PSIP1: variants seen among roughly 807,000 people sequenced by gnomAD.
PSIP1 encodes PC4 and SFRS1-interacting protein.
Under a neutral mutation model 74.7 loss-of-function variants are expected in PSIP1, and 19 were observed. That is an observed-to-expected ratio of 0.25 (90% CI 0.18 to 0.37). The LOEUF is 0.37. PSIP1 is among the 10% of genes least tolerant of loss of function. PSIP1 has a pLI of 1.00. For missense variants in PSIP1, 601 were observed against 614.3 expected, an observed-to-expected ratio of 0.98 and a Z score of 0.23; for synonymous variants, 222 against 195.3, an observed-to-expected ratio of 1.14 and a Z score of -1.14.
At chr9:15,486,774 A>G in intron 5 of PSIP1, 53 bp downstream of exon 5, 1 of 1,296,684 alleles carries the variant, frequency 7.7e-7, no homozygotes, top group South Asian at 1.3e-5. Flanking sequence ...TCATTTCATT[A>G]TTTCTTCCTT....
At chr9:15,498,563 A>G (rs16933332) in intron 3 of PSIP1, among the ~76,000 whole-genome samples, 7,094 of 152,150 alleles carry the variant, frequency 0.047, 540 homozygotes, top group African/African-American at 0.16. Flanking sequence ...CAGGGACCAG[A>G]TTAGTTTTTC....
intron 3 of PSIP1, among the ~76,000 whole-genome samples, chr9:15,502,253 T>C (rs1010921858): frequency 7.2e-5 from 11 of 152,300 alleles, no homozygotes; most frequent in Non-Finnish European, 1.2e-4. Flanking sequence ...AGTTGTTACA[T>C]TGCATTAAGG....
chr9:15,501,867 A>ATATATATATATATATATAT (rs1188842040), intron 3 of PSIP1, among the ~76,000 whole-genome samples: 31 of 144,344 alleles, frequency 2.1e-4, no homozygotes, highest in African/African-American at 2.9e-4. Flanking sequence ...ATATATATAT[A>ATATATATATATATATATAT]AAACGCACAC....
At chr9:15,479,998 A>C (rs549130627) in intron 6 of PSIP1, among the ~76,000 whole-genome samples, 3 of 152,334 alleles carry the variant, frequency 2.0e-5, no homozygotes, top group Admixed American at 2.0e-4. Context: ...ACACAATGTT[A>C]TTTCTAATTC....
rs1218940055 is a variant in PSIP1 at position 15,468,683 on chromosome 9, G to T, written c.1367C>A (p.Thr456Asn). Reference sequence around the variant, plus strand: ...TGGCCCTTTCTTCCCTTGATCTTTGGTTTTATTCGCTTCCTCATGCTGTCT... The same window carrying T: ...TGGCCCTTTCTTCCCTTGATCTTTGTTTTTATTCGCTTCCTCATGCTGTCT... ...EQRQHEEANKTKDQGKKGPNK... is the reference protein window; with the variant it reads ...EQRQHEEANKNKDQGKKGPNK... Residue 456 changes from threonine (T) to asparagine (N), a missense_variant, in exon 14 of 16, where the codon ACC (threonine) becomes AAC (asparagine). By Grantham distance (65) the Thr-to-Asn change is moderately conservative. Around this residue, in one of 2 missense-constraint regions of PSIP1, gnomAD observed 538 missense variants for 507.6 expected, o/e 1.06. Coordinates refer to ENST00000380733, the MANE Select transcript of PSIP1 (RefSeq NM_033222.5). The T allele has an allele frequency of 6.2e-7, 1 of 1,613,918 alleles. No homozygotes were observed. Among genetic ancestry groups the T allele is most frequent in the Admixed American group, 1.7e-5 (1 of 59,992 alleles).
intron 14 of PSIP1, among the ~76,000 whole-genome samples, chr9:15,467,345 T>C (rs2035681885): frequency 6.6e-6 from 1 of 152,328 alleles, no homozygotes; most frequent in African/African-American, 2.4e-5. Context: ...GTATTAATAA[T>C]TCTCTAAGGG....
At chr9:15,473,904 C>CAAAAAAAAAACAAAAAAAAAAAAA (rs2035951545) in intron 9 of PSIP1, 105 bp downstream of exon 9, 1 of 629,940 alleles carries the variant, frequency 1.6e-6, no homozygotes, top group Non-Finnish European at 2.1e-6. Flanking sequence ...CCATCTCAAA[C>CAAAAAAAAAACAAAAAAAAAAAAA]AAAAAAAAAA....
chr9:15,469,409 TAATG>T (rs1283049902), intron 11 of PSIP1, 73 bp from the exon 12 acceptor site: 1 of 907,380 alleles, frequency 1.1e-6, no homozygotes, highest in East Asian at 2.5e-5. Context: ...AGGCTAAGTA[TAATG>T]AATTAGTGGA....
chr9:15,469,733 C>T (rs1357491884), intron 11 of PSIP1, among the ~76,000 whole-genome samples: 1 of 152,056 alleles, frequency 6.6e-6, no homozygotes, highest in South Asian at 2.1e-4. Context: ...AATTAATGAG[C>T]ATTAAACATA....
Position 15,508,387 on chromosome 9 carries a change from G to C in PSIP1, c.72+1730C>G, listed in dbSNP as rs77030768. Among the ~76,000 whole-genome samples, 65 of 152,276 alleles carry C rather than the reference G, an allele frequency of 4.3e-4. No individual in the cohort carries two copies. The East Asian group carries it at 0.012, about 29-fold the overall frequency. ...AAAAAATGATGGGGAAAAGGGAAAA[G>C]ACAAACACTTCCCTTCCAATCCAAA... On this transcript the variant is annotated intron_variant, in intron 2 of 15. Transcript: ENST00000380733.
At chr9:15,494,358 G>A (rs561126845) in intron 3 of PSIP1, among the ~76,000 whole-genome samples, 79 of 152,084 alleles carry the variant, frequency 5.2e-4, no homozygotes, top group African/African-American at 1.9e-3. Context: ...CTGAGGTCAG[G>A]CGTTTGAAAC....
At chr9:15,506,505 G>T in intron 3 of PSIP1, 56 bp downstream of exon 3, 1 of 1,255,078 alleles carries the variant, frequency 8.0e-7, no homozygotes, top group Non-Finnish European at 1.2e-6. Flanking sequence ...AATGTCTACT[G>T]CCTAATAACC....
At chr9:15,470,533 C>T in intron 10 of PSIP1, 1 of 842,308 alleles carries the variant, frequency 1.2e-6, no homozygotes, top group Non-Finnish European at 1.4e-6. Context: ...CAAAAATAAC[C>T]ACTTAAAATT....
chr9:15,472,356 ACTT>A lies in PSIP1; in HGVS notation c.977+273_977+275del. The A allele has an allele frequency of 4.1e-6, 5 of 1,227,098 alleles. No individual in the cohort carries two copies. In the South Asian group the frequency reaches 7.1e-5, roughly 17 times the overall value. 76.0% of individuals were successfully genotyped at this position (1,227,098 alleles called of 1,614,324 possible). A position where few individuals can be genotyped will look rare whatever the true frequency, so the allele number is the denominator to read the frequency against. On this transcript the variant is annotated intron_variant, in intron 10 of 15. Coordinates refer to ENST00000380733, the MANE Select transcript of PSIP1 (RefSeq NM_033222.5). ...CAAACAAATGGTTGAGGATGAGTAC[ACTT>A]CTTGCAAAGCCAGTATCAATTAAAT... is the stretch of plus-strand genomic sequence containing the variant.
intron 3 of PSIP1, among the ~76,000 whole-genome samples, chr9:15,497,532 G>A (rs1217638281): frequency 2.0e-5 from 3 of 152,012 alleles, no homozygotes; most frequent in East Asian, 1.9e-4. Context: ...TCACCATGTT[G>A]TCCAGGCTGG....
At chr9:15,504,174 G>A (rs1374240094) in intron 3 of PSIP1, among the ~76,000 whole-genome samples, 2 of 152,164 alleles carry the variant, frequency 1.3e-5, no homozygotes, top group African/African-American at 4.8e-5. Flanking sequence ...ATTTTGAAAT[G>A]AAAATTCAGT....
intron 10 of PSIP1, chr9:15,472,396 T>G (rs765132101): frequency 9.8e-6 from 13 of 1,325,144 alleles, no homozygotes; most frequent in Non-Finnish European, 1.1e-5. Context: ...CTATCTGCAC[T>G]TCGTTTAAAT....
intron 3 of PSIP1, 57 bp downstream of exon 3, chr9:15,506,504 T>C: frequency 8.1e-7 from 1 of 1,237,916 alleles, no homozygotes; most frequent in South Asian, 1.3e-5. Flanking sequence ...TAATGTCTAC[T>C]GCCTAATAAC....
intron 2 of PSIP1, among the ~76,000 whole-genome samples, chr9:15,508,872 G>A (rs2037720871): frequency 6.6e-6 from 1 of 152,188 alleles, no homozygotes; most frequent in South Asian, 2.1e-4. Flanking sequence ...TATCACGAAA[G>A]GAATAGATTA....
Sources: allele counts gnomAD v4.1 joint callset (sites outside exome capture counted in the v4.1 genomes callset), GRCh38; gene constraint gnomAD v4.1.1; regional missense constraint gnomAD v4.1.1; transcripts MANE v1.5; gene names NCBI Gene and HGNC (gene_info 2026-07-23, HGNC 2026-07-21).